The following DDX54 variants were observed in gnomAD, a reference collection of about 807,000 sequenced individuals.
DDX54 encodes ATP-dependent RNA helicase DDX54.
Under a neutral mutation model 105.5 loss-of-function variants are expected in DDX54, and 67 were observed. The observed-to-expected ratio is 0.64, with a 90% confidence interval of 0.52 to 0.78. DDX54 has a LOEUF of 0.78. Ranked by LOEUF, DDX54 falls within the 30% of genes least tolerant of loss-of-function variation. The probability of loss-of-function intolerance (pLI) is 0.00; values close to 1 mark genes in which losing one functional copy is unlikely to be tolerated. For missense variants in DDX54, 1,206 were observed against 1,230.5 expected (o/e 0.98, Z 0.30); for synonymous variants, 514 against 509.9 (o/e 1.01, Z -0.11).
chr12:113,158,401 G>A lies in DDX54; in HGVS notation c.*476C>T, dbSNP rs1479786237. 6.5e-6 allele frequency: 1 copy of A among 154,768 alleles called. No homozygotes were observed. Among genetic ancestry groups the A allele is most frequent in the Non-Finnish European group, 1.4e-5 (1 of 69,956 alleles). 9.6% of individuals were successfully genotyped at this position (154,768 alleles called of 1,614,324 possible). On this transcript the variant is annotated 3_prime_UTR_variant, in exon 20 of 20. Coordinates refer to ENST00000306014, the MANE Select transcript of DDX54 (RefSeq NM_024072.4). This position sits in a 1 kb window ranked among gnomAD's most constrained non-coding sequence, Gnocchi z 4.9. ...AAGGCAGCAGAACTCACCCTCAGGA[G>A]ACCCGCAACTCCTCTGCCACGTTAG...
In DDX54 at chr12:113,157,270, C is replaced by A; in HGVS notation, c.*1607G>T. The A allele has an allele frequency of 3.1e-6, 1 of 319,300 alleles. No homozygotes were observed. The highest frequency in any genetic ancestry group is 5.8e-6 in the Non-Finnish European group (1 of 172,148). 19.8% of individuals were successfully genotyped at this position (319,300 alleles called of 1,614,324 possible). A position where few individuals can be genotyped will look rare whatever the true frequency, so the allele number is the denominator to read the frequency against. Reference sequence around the variant, plus strand: ...GCCACCCACGGAGATAAGAGTAGGTCACAAACCAATGAATATGACTGATCC... The same window carrying A: ...GCCACCCACGGAGATAAGAGTAGGTAACAAACCAATGAATATGACTGATCC... On this transcript the variant is annotated 3_prime_UTR_variant, in exon 20 of 20. Transcript: ENST00000306014.
At position 113,165,767 on chromosome 12, in the gene DDX54, CCA is replaced by C. The variant is rs772440422; in HGVS notation, c.1645+33_1645+34del. On this transcript the variant is annotated intron_variant, in intron 13 of 19. Transcript: ENST00000306014. Reference sequence around the variant, plus strand: ...AGGCTGTGGGTGGGGTCAGCAAGGCCCACCTGCCACCCCCTGCCTTGTAGAAG... The same window carrying C: ...AGGCTGTGGGTGGGGTCAGCAAGGCCCCTGCCACCCCCTGCCTTGTAGAAG... The C allele has an allele frequency of 4.4e-6, 7 of 1,602,432 alleles. No individual in the cohort carries two copies. In the East Asian group the frequency reaches 6.7e-5, roughly 15 times the overall value.
At position 113,179,958 on chromosome 12, in the gene DDX54, C is replaced by T; in HGVS notation, c.352G>A (p.Val118Met). 6.2e-7 allele frequency: 1 copy of T among 1,614,104 alleles called. No individual in the cohort carries two copies. Among genetic ancestry groups the T allele is most frequent in the Non-Finnish European group, 8.5e-7 (1 of 1,180,016 alleles). The stretch of plus-strand genomic sequence containing the variant: ...ACCTTCCTCTGGATGGGTGTTGGCA[C>T]CTTGTACCCCTTCTTCATGATGCCT... The part of the protein sequence containing the change: ...FKGIMKKGYK[V>M]PTPIQRKTIP... The change falls in exon 3 of 20, where the codon GTG (valine) becomes ATG (methionine). Residue 118 changes from valine (V) to methionine (M), a missense_variant. Around this residue, in one of 3 missense-constraint regions of DDX54, gnomAD observed 33 missense variants for 56.0 expected, o/e 0.59. Coordinates refer to ENST00000306014, the MANE Select transcript of DDX54 (RefSeq NM_024072.4).
At chr12:113,160,786 A>G (rs906095598) in intron 19 of DDX54, among the ~76,000 whole-genome samples, 1 of 152,144 alleles carries the variant, frequency 6.6e-6, no homozygotes, top group Non-Finnish European at 1.5e-5. Flanking sequence ...AAAGAACGTC[A>G]CTCCTAAGGA....
At chr12:113,181,080 G>T in intron 1 of DDX54, 22 bp from the exon 2 acceptor site, 1 of 1,606,900 alleles carries the variant, frequency 6.2e-7, no homozygotes, top group African/African-American at 1.3e-5. Context: ...GGACAGAGAG[G>T]TGGTGTCACT....
chr12:113,179,859 T>C (rs895930165), intron 3 of DDX54, 76 bp downstream of exon 3: 13 of 1,518,108 alleles, frequency 8.6e-6, no homozygotes, highest in Non-Finnish European at 1.2e-5. Flanking sequence ...GGACAAGGGG[T>C]GGCTGTCAAG....
intron 19 of DDX54, among the ~76,000 whole-genome samples, chr12:113,160,003 C>G (rs545430732): frequency 6.6e-6 from 1 of 152,196 alleles, no homozygotes; most frequent in South Asian, 2.1e-4. Flanking sequence ...AAAGGAAGAA[C>G]AGCTGCTTTT....
rs760323756 is a variant in DDX54, at chr12:113,163,049, C to T, written c.2082-4G>A. The stretch of plus-strand genomic sequence containing the variant: ...CCCTTCCCCGCTGATGCTCAGGCTG[C>T]AGAGGGAGAGTGGGAGACATAATTG... On this transcript the variant is annotated splice_polypyrimidine_tract_variant and splice_region_variant and intron_variant, in intron 16 of 19. Transcript: ENST00000306014. This position sits in a 1 kb window ranked among gnomAD's most constrained non-coding sequence, Gnocchi z 5.9. The T allele has an allele frequency of 6.2e-7, 1 of 1,608,770 alleles. No individual in the cohort carries two copies. Among genetic ancestry groups the T allele is most frequent in the Non-Finnish European group, 8.5e-7 (1 of 1,178,836 alleles).
intron 5 of DDX54, 99 bp from the exon 6 acceptor site, chr12:113,177,192 G>T: frequency 7.1e-7 from 1 of 1,416,760 alleles, no homozygotes; most frequent in Non-Finnish European, 9.8e-7. Flanking sequence ...CCATCCCCAG[G>T]AACACAGACC....
rs1290517198 is a variant in DDX54, at chr12:113,162,976, C to T, written c.2151G>A (p.Gly717=). 2.5e-6 allele frequency: 4 copies of T among 1,608,612 alleles called. No individual in the cohort carries two copies. The South Asian group carries it at 4.4e-5, about 18-fold the overall frequency. Residue 717 remains glycine (G), a synonymous_variant, in exon 17 of 20, where the codon GGG becomes GGA. Transcript: ENST00000306014. ...QAAGAVLDLM[G]DEAQNLTRGR... Reference sequence around the variant, plus strand: ...CCCTCGTCAGGTTCTGGGCTTCATCCCCCATCAAGTCCAGGACAGCGCCAG... The same window carrying T: ...CCCTCGTCAGGTTCTGGGCTTCATCTCCCATCAAGTCCAGGACAGCGCCAG...
intron 5 of DDX54, 93 bp downstream of exon 5, chr12:113,178,884 A>G: frequency 6.7e-7 from 1 of 1,490,360 alleles, no homozygotes; most frequent in Non-Finnish European, 9.2e-7. Context: ...GCTATTATTA[A>G]TAAGCAACAC....
Position 113,161,401 on chromosome 12 carries a change from G to A in DDX54, c.2301-19C>T. 1 of 1,587,924 alleles carries A rather than the reference G, an allele frequency of 6.3e-7. No homozygotes were observed. The highest frequency in any genetic ancestry group is 8.6e-7 in the Non-Finnish European group (1 of 1,160,526). The stretch of plus-strand genomic sequence containing the variant: ...CTGATAGCTGGGAAACCTCGTTAAG[G>A]AAGCTGCGTGAAGCCCCTGGGATGG... On this transcript the variant is annotated intron_variant, in intron 18 of 19. Transcript: ENST00000306014.
In DDX54 at chr12:113,170,978, T is replaced by C. The variant is rs923981701; in HGVS notation, c.1280-1074A>G. 2.0e-5 allele frequency among the ~76,000 whole-genome samples: 3 copies of C among 152,364 alleles called. No homozygotes were observed. In the South Asian group the frequency reaches 6.2e-4, roughly 32 times the overall value. On this transcript the variant is annotated intron_variant, in intron 11 of 19. Coordinates refer to ENST00000306014, the MANE Select transcript of DDX54 (RefSeq NM_024072.4). ...CTAAATCACTACATAGCATTATATT[T>C]TGGTTTGTCTCTGTATCTTGGGAAA...
Position 113,169,891 on chromosome 12 carries a change from C to T in DDX54, c.1293G>A (p.Arg431=). ...LFLHRVGRVA[R]AGRSGTAYSL... is the part of the protein sequence containing the mutation. ...AGTAGGCTGTGCCACTTCGGCCAGC[C>T]CGAGCCACACGGCCTGCAGCAAGGA... Residue 431 remains arginine, a synonymous_variant, in exon 12 of 20, where the codon CGG becomes CGA. Transcript: ENST00000306014. 1.9e-6 allele frequency: 3 copies of T among 1,613,548 alleles called. No individual in the cohort carries two copies. Among genetic ancestry groups the T allele is most frequent in the South Asian group, 1.1e-5 (1 of 91,080 alleles).
At chr12:113,168,781 T>C (rs1952303738) in intron 12 of DDX54, among the ~76,000 whole-genome samples, 6 of 151,910 alleles carry the variant, frequency 3.9e-5, no homozygotes, top group Admixed American at 3.9e-4. Context: ...AAATACAAAA[T>C]TAGCTGGGCG....
rs774997849 is a variant in DDX54, at chr12:113,161,322, T to C, written c.2361A>G (p.Ala787=). Residue 787 remains alanine, a synonymous_variant, in exon 19 of 20, where the codon GCA becomes GCG. Transcript: ENST00000306014. The part of the protein sequence containing the change: ...IDDRDSDEEG[A]SDRRGPERRG... ...TTCGCTCTGGGCCTCGCCGGTCAGATGCCCCTTCTTCGTCCGAGTCACGAT... is the reference window on the plus strand; with the variant it reads ...TTCGCTCTGGGCCTCGCCGGTCAGACGCCCCTTCTTCGTCCGAGTCACGAT... 3.1e-6 allele frequency: 5 copies of C among 1,613,556 alleles called. No individual in the cohort carries two copies. In the African/African-American group the frequency reaches 5.3e-5, roughly 17 times the overall value.
At chr12:113,177,262 C>CA (rs1952415297) in intron 5 of DDX54, 169 bp from the exon 6 acceptor site, 1 of 661,858 alleles carries the variant, frequency 1.5e-6, no homozygotes, top group Non-Finnish European at 2.6e-6. Context: ...ATTGCCCTGA[C>CA]AAGAGATACA....
intron 12 of DDX54, among the ~76,000 whole-genome samples, chr12:113,169,170 C>T (rs955381961): frequency 6.6e-6 from 1 of 152,002 alleles, no homozygotes; most frequent in African/African-American, 2.4e-5. Context: ...CCAGTAGATA[C>T]CAGAAATCTG....
chr12:113,180,966 G>T lies in DDX54; in HGVS notation c.267C>A (p.Asn89Lys). ...PDTREMVRAQ[N>K]KKKKKSGGFQ... ...AGCCTCCAGACTTCTTCTTCTTCTTGTTCTGGGCACGCACCATCTCCCGGG... is the reference window on the plus strand; with the variant it reads ...AGCCTCCAGACTTCTTCTTCTTCTTTTTCTGGGCACGCACCATCTCCCGGG... Residue 89 changes from asparagine to lysine, a missense_variant, in exon 2 of 20, where the codon AAC becomes AAA. Asn to Lys is a moderately conservative substitution (Grantham distance 94). Coordinates refer to ENST00000306014, the MANE Select transcript of DDX54 (RefSeq NM_024072.4). 1.2e-6 allele frequency: 2 copies of T among 1,610,720 alleles called. No individual in the cohort carries two copies. Among genetic ancestry groups the T allele is most frequent in the Non-Finnish European group, 1.7e-6 (2 of 1,179,690 alleles).
Sources: gnomAD v4.1 joint callset for allele counts (sites outside exome capture counted in the v4.1 genomes callset) on GRCh38, gnomAD v4.1.1 for gene constraint, gnomAD v4.1.1 regional missense constraint, Gnocchi (gnomAD v3.1) non-coding constraint, MANE v1.5 for transcripts, NCBI Gene and HGNC (gene_info 2026-07-23, HGNC 2026-07-21) for gene names.